The following APOB variants were observed in gnomAD, a reference collection of about 807,000 sequenced individuals.
The protein encoded by APOB is apolipoprotein B-100.
In APOB, 153 loss-of-function variants were observed where a neutral mutation model predicts 314.1. The ratio of observed to expected loss-of-function variants is 0.49; its 90% confidence interval spans 0.43 to 0.56. The LOEUF is 0.56. Ranked by LOEUF, APOB falls within the 20% of genes least tolerant of loss-of-function variation. The pLI, the probability that APOB is intolerant of heterozygous loss-of-function variation, is 0.00. For missense variants in APOB, 5,430 were observed against 5,350.7 expected (o/e 1.01, Z -0.46); for synonymous variants, 2,087 against 2,036.4 (o/e 1.02, Z -0.67).
Position 21,019,093 on chromosome 2 carries a change from G to A in APOB, c.3020C>T (p.Pro1007Leu). ...GDTRLELELRPTGEIEQYSVS... is the reference protein window; with the variant it reads ...GDTRLELELRLTGEIEQYSVS... Reference sequence around the variant, plus strand: ...AGAATACTGCTCAATCTCTCCTGTAGGCCTCAGTTCCAGCTCTAATCTAAA... The same window carrying A: ...AGAATACTGCTCAATCTCTCCTGTAAGCCTCAGTTCCAGCTCTAATCTAAA... Residue 1007 changes from proline to leucine, a missense_variant, in exon 20 of 29, where the codon CCT becomes CTT. By Grantham distance (98) the Pro-to-Leu change is moderately conservative. This residue lies in a region of APOB where 2,085 missense variants were observed against 2,079.7 expected (regional missense o/e 1.00). Coordinates refer to ENST00000233242, the MANE Select transcript of APOB (RefSeq NM_000384.3). 1 of 1,613,958 alleles carries A rather than the reference G, an allele frequency of 6.2e-7. No homozygotes were observed.
chr2:21,016,738 A>T, intron 20 of APOB, 89 bp from the exon 21 acceptor site: 2 of 852,736 alleles, frequency 2.3e-6, no homozygotes, highest in Non-Finnish European at 4.1e-6. Flanking sequence ...TAATCCCAGC[A>T]CTTTGGGAGG....
At chr2:21,003,669 T>G (rs1663056804) in intron 28 of APOB, among the ~76,000 whole-genome samples, 1 of 151,252 alleles carries the variant, frequency 6.6e-6, no homozygotes. Context: ...AGAAGAAGAG[T>G]CAGGAAATGA....
rs576639442 is a variant in APOB, at chr2:21,009,522, C to T, written c.7346G>A (p.Arg2449Lys). Residue 2449 changes from arginine (R) to lysine (K), a missense_variant, in exon 26 of 29, where the codon AGA becomes AAA. By Grantham distance (26) the Arg-to-Lys change is conservative. Coordinates refer to ENST00000233242, the MANE Select transcript of APOB (RefSeq NM_000384.3). ...CAGAGCCTGAATTTCACCATTGAGT[C>T]TCTGAGTCACCTCACGGATTTTGTC... ...TNDKIREVTQ[R>K]LNGEIQALEL... is the part of the protein sequence containing the mutation. The T allele has an allele frequency of 3.1e-6, 5 of 1,613,940 alleles. No homozygotes were observed. Among genetic ancestry groups the T allele is most frequent in the Non-Finnish European group, 4.2e-6 (5 of 1,179,974 alleles).
Position 21,008,778 on chromosome 2 carries a change from T to A in APOB, c.8090A>T (p.Lys2697Met). The A allele has an allele frequency of 6.2e-7, 1 of 1,614,066 alleles. No individual in the cohort carries two copies. Among genetic ancestry groups the A allele is most frequent in the Non-Finnish European group, 8.5e-7 (1 of 1,179,950 alleles). The change falls in exon 26 of 29, where the codon AAG (lysine) becomes ATG (methionine). Residue 2697 changes from lysine to methionine, a missense_variant. Physicochemically the swap from Lys to Met is moderately conservative, Grantham distance 95 (BLOSUM62 -1). Coordinates refer to ENST00000233242, the MANE Select transcript of APOB (RefSeq NM_000384.3). ...TCTCGCTAGAGGAATGTCCTCCACC[T>A]TCAGATCCCTGAGATATATATCTGG... ...PVPDIYLRDL[K>M]VEDIPLARIT... is the part of the protein sequence containing the mutation.
At chr2:21,019,210 A>G (rs1663541694) in intron 19 of APOB, 97 bp from the exon 20 acceptor site, 31 of 1,467,980 alleles carry the variant, frequency 2.1e-5, no homozygotes, top group Non-Finnish European at 2.7e-5. Flanking sequence ...CAACAAAAAT[A>G]TGGTCCTTAT....
chr2:21,014,022 T>C (rs1459493377), intron 24 of APOB, among the ~76,000 whole-genome samples: 7 of 152,166 alleles, frequency 4.6e-5, no homozygotes, highest in African/African-American at 1.7e-4. Context: ...GGAAAGAACA[T>C]AGGTATGGAA....
Position 21,043,859 on chromosome 2 carries a change from C to T in APOB, c.82+5G>A. On this transcript the variant is annotated splice_donor_5th_base_variant and intron_variant, in intron 1 of 28. Coordinates refer to ENST00000233242, the MANE Select transcript of APOB (RefSeq NM_000384.3). The stretch of plus-strand genomic sequence containing the variant: ...TCTGCGCCCGCAGAGCGGCCGCGCA[C>T]TCACCGGCCCTGGCGCCCGCCAGCA... The T allele has an allele frequency of 1.3e-6, 2 of 1,510,484 alleles. No individual in the cohort carries two copies. The highest frequency in any genetic ancestry group is 1.8e-6 in the Non-Finnish European group (2 of 1,135,700). The allele number at this position is 1,510,484 out of a possible 1,614,324, so 93.6% of individuals were successfully genotyped here.
intron 6 of APOB, 90 bp from the exon 7 acceptor site, chr2:21,035,798 C>T (rs1328322928): frequency 7.8e-7 from 1 of 1,281,908 alleles, no homozygotes; most frequent in Non-Finnish European, 1.1e-6. Context: ...GAGCAGGAGT[C>T]CTGTACCACT....
At position 21,006,681 on chromosome 2, in the gene APOB, G is replaced by A; in HGVS notation, c.10187C>T (p.Ala3396Val). The A allele has an allele frequency of 6.2e-7, 1 of 1,614,028 alleles. No homozygotes were observed. Among genetic ancestry groups the A allele is most frequent in the Non-Finnish European group, 8.5e-7 (1 of 1,179,970 alleles). ...RLTRKRGLKL[A>V]TALSLSNKFV... ...TTTGTTGCTCAGAGACAGAGCTGTG[G>A]CTAACTTCAATCCCCTTTTTCTTGT... Residue 3396 changes from alanine to valine, a missense_variant, in exon 26 of 29, where the codon GCC (alanine) becomes GTC (valine). This residue lies in a region of APOB where 3,281 missense variants were observed against 3,171.0 expected (regional missense o/e 1.03). Coordinates refer to ENST00000233242, the MANE Select transcript of APOB (RefSeq NM_000384.3).
intron 3 of APOB, among the ~76,000 whole-genome samples, chr2:21,041,422 G>C (rs1027681183): frequency 6.6e-6 from 1 of 152,212 alleles, no homozygotes; most frequent in Non-Finnish European, 1.5e-5. Context: ...CAGACTAGGA[G>C]TGAAAGTGAA....
chr2:21,033,413 A>T lies in APOB; in HGVS notation c.1010T>A (p.Ile337Asn), dbSNP rs148126873. ...AGCTCTCTGGATATTTTGCTCAGAG[A>T]TGGTTAGTTTTTTCAGTTCCTGGAG... is the stretch of plus-strand genomic sequence containing the variant. ...KTLQELKKLT[I>N]SEQNIQRANL... Residue 337 changes from isoleucine (I) to asparagine (N), a missense_variant, in exon 9 of 29, where the codon ATC (isoleucine) becomes AAC (asparagine). This residue lies in a region of APOB where 2,085 missense variants were observed against 2,079.7 expected (regional missense o/e 1.00). Coordinates refer to ENST00000233242, the MANE Select transcript of APOB (RefSeq NM_000384.3). 2.1e-5 allele frequency: 34 copies of T among 1,614,174 alleles called. No individual in the cohort carries two copies. In the African/African-American group the frequency reaches 2.7e-4, roughly 13 times the overall value.
chr2:21,036,514 T>C (rs1572801158), intron 6 of APOB, among the ~76,000 whole-genome samples: 1 of 151,772 alleles, frequency 6.6e-6, no homozygotes, highest in Admixed American at 6.6e-5. Context: ...CAGGCTCAGG[T>C]AATATGGTGC....
rs1453395591 is a variant in APOB, at chr2:21,003,177, T to C, written c.12245A>G (p.Tyr4082Cys). 11 of 1,613,922 alleles carry C rather than the reference T, an allele frequency of 6.8e-6. No individual in the cohort carries two copies. The highest frequency in any genetic ancestry group is 9.3e-6 in the Non-Finnish European group (11 of 1,179,962). ...CCAGTGGTACTTGTTGACATAATCA[T>C]AAAGGACCCCTGTGGCCTTGGGCAC... ...DNVPKATGVL[Y>C]DYVNKYHWEH... The change falls in exon 29 of 29, where the codon TAT (tyrosine) becomes TGT (cysteine). Residue 4082 changes from tyrosine (Y) to cysteine (C), a missense_variant. Coordinates refer to ENST00000233242, the MANE Select transcript of APOB (RefSeq NM_000384.3).
chr2:21,013,278 C>G lies in APOB; in HGVS notation c.4098G>C (p.Leu1366Phe), dbSNP rs906425548. Reference protein sequence around the residue: ...LDLSTNVYSNLYNWSASYSGG... With the variant: ...LDLSTNVYSNFYNWSASYSGG... Reference sequence around the variant, plus strand: ...CACTGTAGGAGGCGGACCAGTTGTACAAGTTGCTGTAGACATTCGTGGAGA... The same window carrying G: ...CACTGTAGGAGGCGGACCAGTTGTAGAAGTTGCTGTAGACATTCGTGGAGA... The change falls in exon 25 of 29, where the codon TTG becomes TTC. Residue 1366 changes from leucine to phenylalanine, a missense_variant. Physicochemically the swap from Leu to Phe is conservative, Grantham distance 22. This residue lies in a region of APOB where 2,085 missense variants were observed against 2,079.7 expected (regional missense o/e 1.00). Transcript: ENST00000233242. 1 of 1,614,194 alleles carries G rather than the reference C, an allele frequency of 6.2e-7. No individual in the cohort carries two copies. The highest frequency in any genetic ancestry group is 1.3e-5 in the African/African-American group (1 of 75,052).
chr2:21,015,418 C>A lies in APOB; in HGVS notation c.3460G>T (p.Ala1154Ser), dbSNP rs1452974839. The change falls in exon 22 of 29, where the codon GCT (alanine) becomes TCT (serine). Residue 1154 changes from alanine (A) to serine (S), a missense_variant. Ala to Ser is a moderately conservative substitution (Grantham distance 99). This residue lies in a region of APOB where 2,085 missense variants were observed against 2,079.7 expected (regional missense o/e 1.00). Transcript: ENST00000233242. The stretch of plus-strand genomic sequence containing the variant: ...GAAACTGTGGAGCCATAAGCTGTAG[C>A]AGATGAGTCCATTTGGAGAAGCAGT... ...AKLLLQMDSS[A>S]TAYGSTVSKR... The A allele has an allele frequency of 1.9e-6, 3 of 1,614,184 alleles. No homozygotes were observed. The highest frequency in any genetic ancestry group is 2.2e-5 in the South Asian group (2 of 91,076).
At chr2:21,038,212 A>G in intron 4 of APOB, 101 bp from the exon 5 acceptor site, 1 of 1,280,694 alleles carries the variant, frequency 7.8e-7, no homozygotes, top group East Asian at 2.3e-5. Context: ...TATTTTTTTA[A>G]CCAATTGTTC....
At chr2:21,016,408 T>C in intron 21 of APOB, 31 bp downstream of exon 21, 1 of 1,184,850 alleles carries the variant, frequency 8.4e-7, no homozygotes, top group Non-Finnish European at 1.3e-6. Context: ...AGGCCTGCAG[T>C]GCAGGTCAGA....
Position 21,015,329 on chromosome 2 carries a change from C to T in APOB, c.3508+41G>A, listed in dbSNP as rs758172417. On this transcript the variant is annotated intron_variant, in intron 22 of 28. Transcript: ENST00000233242. The stretch of plus-strand genomic sequence containing the variant: ...CTGTAACCACAGGTCTCAACACCTG[C>T]ATTACTTTGGAAGTGCTCACACAGG... 5 of 1,613,404 alleles carry T rather than the reference C, an allele frequency of 3.1e-6. No individual in the cohort carries two copies. The Admixed American group carries it at 8.3e-5, about 27-fold the overall frequency.
intron 10 of APOB, among the ~76,000 whole-genome samples, chr2:21,031,879 C>A (rs1283645588): frequency 9.2e-5 from 14 of 151,654 alleles, no homozygotes; most frequent in African/African-American, 3.1e-4. Flanking sequence ...AAAAACAAAA[C>A]AAACAAACAA....
Sources: gnomAD v4.1 joint callset for allele counts (sites outside exome capture counted in the v4.1 genomes callset) on GRCh38, gnomAD v4.1.1 for gene constraint, gnomAD v4.1.1 regional missense constraint, MANE v1.5 for transcripts, NCBI Gene and HGNC (gene_info 2026-07-23, HGNC 2026-07-21) for gene names.